Variants in TRIO observed in about 807,000 individuals in gnomAD.
TRIO encodes triple functional domain protein.
In TRIO, 58 loss-of-function variants were observed where a neutral mutation model predicts 351.9. The ratio of observed to expected loss-of-function variants is 0.16; its 90% CI spans 0.13 to 0.21. TRIO has a LOEUF of 0.21. Among genes scored for constraint, TRIO ranks in the 10% least tolerant of loss-of-function variants. The pLI is 1.00. For synonymous variants in TRIO, 1,758 were observed against 1,595.7 expected, an observed-to-expected ratio of 1.10 and a Z score of -2.42; for missense variants, 3,201 against 4,027.8, an observed-to-expected ratio of 0.79 and a Z score of 5.56.
chr5:14,272,258 G>A (rs1313568738), intron 2 of TRIO, among the ~76,000 whole-genome samples: 1 of 152,174 alleles, frequency 6.6e-6, no homozygotes, highest in Non-Finnish European at 1.5e-5. Flanking sequence ...GAGTTCATGT[G>A]TTTATCAGTT....
At chr5:14,495,439 G>C (rs1226130806) in intron 49 of TRIO, among the ~76,000 whole-genome samples, 1 of 152,082 alleles carries the variant, frequency 6.6e-6, no homozygotes, top group Non-Finnish European at 1.5e-5. Flanking sequence ...TCTACTCTGG[G>C]TATAATGCTA....
Position 14,358,149 on chromosome 5 carries a change from C to T in TRIO, c.2047-29C>T, listed in dbSNP as rs2289847. 2.7e-5 allele frequency: 43 copies of T among 1,598,662 alleles called. No individual in the cohort carries two copies. The East Asian group carries it at 4.7e-4, about 18-fold the overall frequency. ...CACCTGGTGGTGCAGCCAGGCCGGC[C>T]GGCCTCACCCCCCTCTCCCCTTCCC... On this transcript the variant is annotated intron_variant, in intron 11 of 56. Coordinates refer to ENST00000344204, the MANE Select transcript of TRIO (RefSeq NM_007118.4).
intron 34 of TRIO, among the ~76,000 whole-genome samples, chr5:14,432,594 A>G (rs1434854713): frequency 1.3e-5 from 2 of 152,216 alleles, no homozygotes; most frequent in Non-Finnish European, 2.9e-5. Context: ...CAGAGAAGTC[A>G]TCTTAATGGA....
rs532225445 is a variant in TRIO, at chr5:14,179,476, A to AT, written c.157+35602dup. On this transcript the variant is annotated intron_variant, in intron 1 of 56. Coordinates refer to ENST00000344204, the MANE Select transcript of TRIO (RefSeq NM_007118.4). Reference sequence around the variant, plus strand: ...TTTTTTTTTTTTTCTTAAAATCTGGATTTTTTTTAGGGTCTCACTCTGTTG... The same window carrying AT: ...TTTTTTTTTTTTTCTTAAAATCTGGATTTTTTTTTAGGGTCTCACTCTGTTG... 6.3e-3 allele frequency among the ~76,000 whole-genome samples: 891 copies of AT among 142,388 alleles called. 15 individuals carry two copies. Among genetic ancestry groups the AT allele is most frequent in the African/African-American group, 0.022 (836 of 38,500 alleles). 93.4% of individuals were successfully genotyped at this position (142,388 alleles called of 152,430 possible).
At chr5:14,465,045 G>A (rs952059356) in intron 36 of TRIO, among the ~76,000 whole-genome samples, 3 of 152,052 alleles carry the variant, frequency 2.0e-5, no homozygotes, top group African/African-American at 7.3e-5. Context: ...ACCGCACCCC[G>A]TTCCTTTCCT....
intron 14 of TRIO, among the ~76,000 whole-genome samples, chr5:14,364,442 G>A (rs1744421990): frequency 4.6e-5 from 7 of 152,222 alleles, no homozygotes; most frequent in Admixed American, 4.6e-4. Flanking sequence ...ATCAGTGTGG[G>A]AGTAGAAATG....
intron 1 of TRIO, chr5:14,183,886 T>C: frequency 2.9e-6 from 2 of 690,352 alleles, no homozygotes; most frequent in Admixed American, 2.0e-5. Flanking sequence ...GTGACTGTTT[T>C]ACTTCGATTT....
At chr5:14,371,430 A>G (rs1664507) in intron 18 of TRIO, among the ~76,000 whole-genome samples, 133,110 of 152,220 alleles carry the variant, frequency 0.87, 58,613 homozygotes, top group African/African-American at 0.96. Context: ...TCCTTACCCA[A>G]CTTTTCTGAT....
chr5:14,330,644 C>A, intron 9 of TRIO, 134 bp from the exon 10 acceptor site: 1 of 1,121,870 alleles, frequency 8.9e-7, no homozygotes, highest in Non-Finnish European at 1.2e-6. Context: ...TTACTTCTTC[C>A]CATTTTTTTT....
At chr5:14,188,694 A>G (rs112286773) in intron 1 of TRIO, among the ~76,000 whole-genome samples, 32 of 152,326 alleles carry the variant, frequency 2.1e-4, no homozygotes, top group African/African-American at 7.2e-4. Flanking sequence ...AAGCATGCCA[A>G]TCATAAGTTT....
intron 8 of TRIO, among the ~76,000 whole-genome samples, chr5:14,308,004 T>C (rs549159577): frequency 1.1e-4 from 16 of 152,318 alleles, no homozygotes; most frequent in African/African-American, 3.6e-4. Context: ...CTTTTTGATA[T>C]GTCCTTATTG....
At chr5:14,212,739 A>T (rs1791984897) in intron 1 of TRIO, among the ~76,000 whole-genome samples, 1 of 152,232 alleles carries the variant, frequency 6.6e-6, no homozygotes, top group Non-Finnish European at 1.5e-5. Context: ...CTGATTGATT[A>T]TAGCCAGGAA....
At chr5:14,486,229 C>T (rs182465666) in intron 47 of TRIO, among the ~76,000 whole-genome samples, 3 of 152,326 alleles carry the variant, frequency 2.0e-5, no homozygotes, top group East Asian at 3.9e-4. Flanking sequence ...TTCTTTGCTT[C>T]ATGTTCGTAT....
intron 9 of TRIO, among the ~76,000 whole-genome samples, chr5:14,319,887 C>T (rs354922): frequency 0.013 from 1,971 of 152,150 alleles, 44 homozygotes; most frequent in African/African-American, 0.045. Context: ...TCTTAATAAG[C>T]GGGGGCCAAT....
At chr5:14,147,223 G>A (rs1787570073) in intron 1 of TRIO, among the ~76,000 whole-genome samples, 1 of 152,200 alleles carries the variant, frequency 6.6e-6, no homozygotes, top group Non-Finnish European at 1.5e-5. Flanking sequence ...TGAGGAATCA[G>A]CCTTAGGGAG....
intron 30 of TRIO, among the ~76,000 whole-genome samples, chr5:14,400,379 G>A (rs777531204): frequency 6.6e-6 from 1 of 152,062 alleles, no homozygotes; most frequent in Non-Finnish European, 1.5e-5. Context: ...GCATCAGGGG[G>A]ACCTTGACTG....
At chr5:14,183,729 C>T (rs995570014) in intron 1 of TRIO, 1 of 460,958 alleles carries the variant, frequency 2.2e-6, no homozygotes, top group Non-Finnish European at 3.9e-6. Context: ...CTGTTTCTGC[C>T]CCTCCCGTTT....
chr5:14,289,588 C>T (rs1736739126), intron 4 of TRIO, among the ~76,000 whole-genome samples: 1 of 152,020 alleles, frequency 6.6e-6, no homozygotes, highest in South Asian at 2.1e-4. Context: ...TGTCTCATGC[C>T]TGTAATCCCA....
intron 33 of TRIO, among the ~76,000 whole-genome samples, chr5:14,417,522 CCT>C (rs1749745741): frequency 6.6e-6 from 1 of 152,220 alleles, no homozygotes; most frequent in Non-Finnish European, 1.5e-5. Flanking sequence ...TGTGCGGGCT[CCT>C]GGGTCTCTGG....
Sources: allele counts gnomAD v4.1 joint callset (sites outside exome capture counted in the v4.1 genomes callset), GRCh38; gene constraint gnomAD v4.1.1; transcripts MANE v1.5; gene names NCBI Gene and HGNC (gene_info 2026-07-23, HGNC 2026-07-21).